The following SLC35F4 variants were observed in gnomAD, a reference collection of about 807,000 sequenced individuals.
SLC35F4 encodes the protein solute carrier family 35 member F4.
A neutral mutation model predicts 44.2 loss-of-function variants in SLC35F4; 24 were observed. That is an observed-to-expected ratio of 0.54 (90% confidence interval 0.39 to 0.76). The LOEUF is 0.76. Ranked by LOEUF, SLC35F4 falls within the 30% of genes least tolerant of loss-of-function variation. The pLI is 0.00. For missense variants in SLC35F4, 562 were observed against 586.1 expected (o/e 0.96, Z 0.42); for synonymous variants, 238 against 223.6 (o/e 1.06, Z -0.57).
intron 1 of SLC35F4, among the ~76,000 whole-genome samples, chr14:57,946,575 A>G (rs542259712): frequency 6.7e-6 from 1 of 149,854 alleles, no homozygotes; most frequent in South Asian, 2.1e-4. Context: ...CTCAGGCTCA[A>G]ATTATTCTCC....
At chr14:57,624,950 G>A (rs1453734443) in intron 1 of SLC35F4, among the ~76,000 whole-genome samples, 1 of 152,106 alleles carries the variant, frequency 6.6e-6, no homozygotes, top group African/African-American at 2.4e-5. Context: ...GGAAGTTCTG[G>A]CCAGGGCAAT....
intron 1 of SLC35F4, among the ~76,000 whole-genome samples, chr14:57,755,957 T>C (rs993922668): frequency 2.6e-5 from 4 of 152,216 alleles, no homozygotes; most frequent in Admixed American, 2.6e-4. Context: ...CAACACGTTA[T>C]TATCAGACTG....
chr14:57,821,591 A>T (rs1477125354), intron 1 of SLC35F4, among the ~76,000 whole-genome samples: 1 of 152,234 alleles, frequency 6.6e-6, no homozygotes, highest in Non-Finnish European at 1.5e-5. Context: ...TAACTTGTCC[A>T]TTCAAGTAAA....
chr14:57,858,908 G>A (rs1273561605), intron 1 of SLC35F4, among the ~76,000 whole-genome samples: 2 of 149,902 alleles, frequency 1.3e-5, no homozygotes, highest in Non-Finnish European at 3.0e-5. Context: ...AGACCAGCCT[G>A]GGCAACATAG....
At chr14:57,809,975 G>T (rs1242999327) in intron 1 of SLC35F4, among the ~76,000 whole-genome samples, 1 of 152,124 alleles carries the variant, frequency 6.6e-6, no homozygotes, top group Non-Finnish European at 1.5e-5. Flanking sequence ...ACCTGGTCAG[G>T]TCCTTCCCTT....
At chr14:57,789,246 T>C (rs1291081770) in intron 1 of SLC35F4, among the ~76,000 whole-genome samples, 1 of 151,924 alleles carries the variant, frequency 6.6e-6, no homozygotes, top group Non-Finnish European at 1.5e-5. Context: ...AATAGACCAC[T>C]AGCCAGCCTA....
chr14:57,930,416 C>G (rs1473073483), intron 1 of SLC35F4, among the ~76,000 whole-genome samples: 4 of 152,262 alleles, frequency 2.6e-5, no homozygotes, highest in African/African-American at 9.6e-5. Context: ...TCTCCCTGTG[C>G]CAGTTGCTCA....
At chr14:57,903,446 C>T (rs766293719) in intron 1 of SLC35F4, among the ~76,000 whole-genome samples, 1 of 152,172 alleles carries the variant, frequency 6.6e-6, no homozygotes, top group Non-Finnish European at 1.5e-5. Flanking sequence ...TAAAGATAAA[C>T]ATGGAAGCTC....
chr14:57,964,285 T>C lies in SLC35F4; in HGVS notation n.282+17628A>G, dbSNP rs141245270. On this transcript the variant is annotated intron_variant and non_coding_transcript_variant, in intron 1 of 1. Transcript: ENST00000556568. ...ACAATCCACTAACCTGTTACAAGTGTGTCCAGCTTCTCGGCAGAAGTATCA... is the reference window on the plus strand; with the variant it reads ...ACAATCCACTAACCTGTTACAAGTGCGTCCAGCTTCTCGGCAGAAGTATCA... 4.6e-3 allele frequency among the ~76,000 whole-genome samples: 706 copies of C among 152,124 alleles called. 4 individuals carry two copies. Among genetic ancestry groups the C allele is most frequent in the African/African-American group, 0.016 (662 of 41,508 alleles).
At chr14:57,736,503 C>T (rs769144356) in intron 1 of SLC35F4, among the ~76,000 whole-genome samples, 2 of 152,170 alleles carry the variant, frequency 1.3e-5, no homozygotes, top group Non-Finnish European at 1.5e-5. Context: ...GTGGTCACAG[C>T]GGTCATTAGT....
chr14:57,883,088 C>G (rs964487917), intron 1 of SLC35F4, among the ~76,000 whole-genome samples: 1 of 151,894 alleles, frequency 6.6e-6, no homozygotes, highest in Non-Finnish European at 1.5e-5. Flanking sequence ...GGAGGAGAAA[C>G]AGCAGCAGCG....
intron 1 of SLC35F4, among the ~76,000 whole-genome samples, chr14:57,949,578 C>T (rs1462467366): frequency 6.6e-6 from 1 of 152,014 alleles, no homozygotes; most frequent in Non-Finnish European, 1.5e-5. Flanking sequence ...TAGTTGTTGC[C>T]TAAATACCAT....
intron 1 of SLC35F4, among the ~76,000 whole-genome samples, chr14:57,893,198 C>G (rs1888805674): frequency 6.6e-6 from 1 of 152,126 alleles, no homozygotes; most frequent in East Asian, 1.9e-4. Flanking sequence ...CTTGGAAAAA[C>G]ATAGAAGCAG....
chr14:57,659,917 C>A (rs1001956459), intron 1 of SLC35F4, among the ~76,000 whole-genome samples: 27 of 152,126 alleles, frequency 1.8e-4, no homozygotes, highest in African/African-American at 6.3e-4. Flanking sequence ...AAGAAGCCTG[C>A]CAAAGAAGCA....
intron 1 of SLC35F4, among the ~76,000 whole-genome samples, chr14:57,885,455 C>A (rs941069337): frequency 2.6e-5 from 4 of 152,156 alleles, no homozygotes; most frequent in African/African-American, 9.7e-5. Context: ...CGTGCAGTTT[C>A]AGCTTCAGTC....
intron 1 of SLC35F4, among the ~76,000 whole-genome samples, chr14:57,954,817 G>C (rs1890206466): frequency 6.6e-6 from 1 of 151,876 alleles, no homozygotes. Flanking sequence ...CCCAGGACCA[G>C]ACAGATTCAC....
At chr14:57,607,692 T>C (rs1437509031) in intron 1 of SLC35F4, among the ~76,000 whole-genome samples, 1 of 152,158 alleles carries the variant, frequency 6.6e-6, no homozygotes, top group Non-Finnish European at 1.5e-5. Context: ...GGATTTGAGT[T>C]TTTAGAAGAT....
intron 1 of SLC35F4, among the ~76,000 whole-genome samples, chr14:57,820,469 C>T (rs542255490): frequency 8.7e-4 from 133 of 152,228 alleles, no homozygotes; most frequent in African/African-American, 2.9e-3. Flanking sequence ...GAAAAAATAA[C>T]GTATAAGCCA....
At chr14:57,618,862 C>T (rs1298047434) in intron 1 of SLC35F4, among the ~76,000 whole-genome samples, 2 of 152,152 alleles carry the variant, frequency 1.3e-5, no homozygotes, top group Non-Finnish European at 2.9e-5. Context: ...GGGTGAGGGG[C>T]GTCCACCATT....
Sources: allele counts gnomAD v4.1 joint callset (sites outside exome capture counted in the v4.1 genomes callset), GRCh38; gene constraint gnomAD v4.1.1; transcripts MANE v1.5; gene names NCBI Gene and HGNC (gene_info 2026-07-23, HGNC 2026-07-21).